Variants in SEPTIN9 observed in about 807,000 individuals in gnomAD.
SEPTIN9 encodes the protein septin 9.
In SEPTIN9, 13 loss-of-function variants were observed where a neutral mutation model predicts 56.6. The observed-to-expected ratio is 0.23, with a 90% CI of 0.15 to 0.37. SEPTIN9 has a LOEUF of 0.37. Among genes scored for constraint, SEPTIN9 ranks in the 10% least tolerant of loss-of-function variants. The probability of loss-of-function intolerance (pLI) is 1.00; values close to 1 mark genes in which losing one functional copy is unlikely to be tolerated. For missense variants in SEPTIN9, 650 were observed against 823.1 expected, an observed-to-expected ratio of 0.79 and a Z score of 2.57; for synonymous variants, 332 against 334.1, an observed-to-expected ratio of 0.99 and a Z score of 0.07.
intron 2 of SEPTIN9, among the ~76,000 whole-genome samples, chr17:77,380,556 G>A (rs2143963671): frequency 6.6e-6 from 1 of 152,156 alleles, no homozygotes; most frequent in East Asian, 1.9e-4. Flanking sequence ...CTCCCCACAT[G>A]GCATCGAATT....
intron 2 of SEPTIN9, among the ~76,000 whole-genome samples, chr17:77,381,393 C>T (rs1198665173): frequency 6.6e-6 from 1 of 152,018 alleles, no homozygotes; most frequent in Non-Finnish European, 1.5e-5. Flanking sequence ...CAGGCAGGAT[C>T]TCCTTCTGTC....
chr17:77,445,118 CT>C lies in SEPTIN9; in HGVS notation c.722-37025del. ...CTGGGGACGGCCTTCACTCGGGCTACTCAGGGTTTCCCCAGCCTGCCAACCC... is the reference window on the plus strand; with the variant it reads ...CTGGGGACGGCCTTCACTCGGGCTACCAGGGTTTCCCCAGCCTGCCAACCC... On this transcript the variant is annotated intron_variant, in intron 3 of 11. Coordinates refer to ENST00000427177, the MANE Select transcript of SEPTIN9 (RefSeq NM_001113491.2). The surrounding 1 kb of genome is among the most constrained non-coding windows in gnomAD (Gnocchi z 4.7). The C allele has an allele frequency of 2.1e-6, 1 of 465,470 alleles. No homozygotes were observed. Among genetic ancestry groups the C allele is most frequent in the Non-Finnish European group, 4.5e-6 (1 of 223,258 alleles). The allele number at this position is 465,470 out of a possible 1,614,324, so 28.8% of individuals were successfully genotyped here. A position where few individuals can be genotyped will look rare whatever the true frequency, so the allele number is the denominator to read the frequency against.
At position 77,398,519 on chromosome 17, in the gene SEPTIN9, A is replaced by G. The variant is rs1255011884; in HGVS notation, c.77-3540A>G. On this transcript the variant is annotated intron_variant, in intron 2 of 11. Coordinates refer to ENST00000427177, the MANE Select transcript of SEPTIN9 (RefSeq NM_001113491.2). Reference sequence around the variant, plus strand: ...CCCAAGAGGAGGAGGAGGCGGTGGCATGCTCGTTTGGGGGGATGGCGTGAG... The same window carrying G: ...CCCAAGAGGAGGAGGAGGCGGTGGCGTGCTCGTTTGGGGGGATGGCGTGAG... Among the ~76,000 whole-genome samples the G allele has an allele frequency of 2.6e-5, 4 of 151,952 alleles. No individual in the cohort carries two copies. The East Asian group carries it at 7.7e-4, about 29-fold the overall frequency.
At chr17:77,415,129 C>T (rs963295281) in intron 3 of SEPTIN9, among the ~76,000 whole-genome samples, 6 of 152,146 alleles carry the variant, frequency 3.9e-5, no homozygotes, top group African/African-American at 1.4e-4. Flanking sequence ...CTGGTCACCA[C>T]CCACTAGATC....
Position 77,402,845 on chromosome 17 carries a change from G to T in SEPTIN9, c.721+142G>T. The T allele has an allele frequency of 1.2e-6, 1 of 810,124 alleles. No individual in the cohort carries two copies. The highest frequency in any genetic ancestry group is 1.9e-6 in the Non-Finnish European group (1 of 532,940). 50.2% of individuals were successfully genotyped at this position (810,124 alleles called of 1,614,324 possible). On this transcript the variant is annotated intron_variant, in intron 3 of 11. Coordinates refer to ENST00000427177, the MANE Select transcript of SEPTIN9 (RefSeq NM_001113491.2). This position sits in a 1 kb window ranked among gnomAD's most constrained non-coding sequence, Gnocchi z 6.6. ...GACCCAGAAAGACCGGAATGCATGG[G>T]GGTGGGGGTCTGCAAGCTCAGGAGA...
At chr17:77,466,069 C>T (rs971720982) in intron 3 of SEPTIN9, among the ~76,000 whole-genome samples, 54 of 138,618 alleles carry the variant, frequency 3.9e-4, no homozygotes, top group African/African-American at 1.5e-3. Flanking sequence ...CACACACACA[C>T]ACACACACAC....
Position 77,468,781 on chromosome 17 carries a change from G to C in SEPTIN9, c.722-13363G>C, listed in dbSNP as rs139260968. Reference sequence around the variant, plus strand: ...TTTTACACACGCCCCCTGGTGCTTTGAGGAGGAGGGATTCGGACAGGGGCA... The same window carrying C: ...TTTTACACACGCCCCCTGGTGCTTTCAGGAGGAGGGATTCGGACAGGGGCA... On this transcript the variant is annotated intron_variant, in intron 3 of 11. Coordinates refer to ENST00000427177, the MANE Select transcript of SEPTIN9 (RefSeq NM_001113491.2). Among the ~76,000 whole-genome samples, 295 of 152,318 alleles carry C rather than the reference G, an allele frequency of 1.9e-3. 3 individuals are homozygous for C. Among genetic ancestry groups the C allele is most frequent in the African/African-American group, 6.7e-3 (277 of 41,574 alleles).
chr17:77,482,573 T>C (rs559530038), intron 4 of SEPTIN9: 86 of 690,058 alleles, frequency 1.2e-4, no homozygotes, highest in South Asian at 8.0e-4. Flanking sequence ...TGAGATGACT[T>C]TGGGGAGCCC....
At chr17:77,284,295 C>T (rs2031173005) in intron 1 of SEPTIN9, among the ~76,000 whole-genome samples, 1 of 152,188 alleles carries the variant, frequency 6.6e-6, no homozygotes, top group Non-Finnish European at 1.5e-5. Context: ...GTCATGAGAC[C>T]CCATCTGTAA....
At chr17:77,304,527 C>T (rs2032184865) in intron 1 of SEPTIN9, among the ~76,000 whole-genome samples, 1 of 152,066 alleles carries the variant, frequency 6.6e-6, no homozygotes, top group Non-Finnish European at 1.5e-5. Context: ...TTGCCTGGTG[C>T]TAGGGGGCAG....
chr17:77,473,153 C>T (rs763986512), intron 3 of SEPTIN9, among the ~76,000 whole-genome samples: 9 of 152,210 alleles, frequency 5.9e-5, no homozygotes, highest in Non-Finnish European at 8.8e-5. Flanking sequence ...TTCCTCCTGC[C>T]GGAGCTCAGG....
At chr17:77,300,508 A>G (rs1567981485) in intron 1 of SEPTIN9, among the ~76,000 whole-genome samples, 1 of 152,150 alleles carries the variant, frequency 6.6e-6, no homozygotes, top group Non-Finnish European at 1.5e-5. Flanking sequence ...GAGAAGAGGG[A>G]GGTGGCCATT....
chr17:77,440,153 T>G (rs1238292891), intron 3 of SEPTIN9, among the ~76,000 whole-genome samples: 1 of 152,146 alleles, frequency 6.6e-6, no homozygotes, highest in Non-Finnish European at 1.5e-5. Flanking sequence ...TATACCTTTT[T>G]TTTAAATTTA....
Position 77,488,305 on chromosome 17 carries a change from A to G in SEPTIN9, c.1108A>G (p.Ile370Val). The G allele has an allele frequency of 6.2e-7, 1 of 1,613,600 alleles. No homozygotes were observed. Among genetic ancestry groups the G allele is most frequent in the Non-Finnish European group, 8.5e-7 (1 of 1,179,766 alleles). Residue 370 changes from isoleucine (I) to valine (V), a missense_variant, in exon 6 of 12, where the codon ATC (isoleucine) becomes GTC (valine). By Grantham distance (29) the Ile-to-Val change is conservative. Transcript: ENST00000427177. ...TGACACACCAGGGTTCGGGGACCAC[A>G]TCAACAACGAGAACTGGTGAGGCCC... is the stretch of plus-strand genomic sequence containing the variant. ...VIDTPGFGDH[I>V]NNENCWQPIM...
intron 2 of SEPTIN9, among the ~76,000 whole-genome samples, chr17:77,312,503 A>AG (rs11444339): frequency 0.88 from 133,209 of 152,048 alleles, 58,425 homozygotes; most frequent in East Asian, 0.99. Flanking sequence ...TAGCTGACTC[A>AG]GTGACTTTGG....
At chr17:77,470,146 CTCAT>C in intron 3 of SEPTIN9, among the ~76,000 whole-genome samples, 2 of 151,480 alleles carry the variant, frequency 1.3e-5, no homozygotes, top group Non-Finnish European at 1.5e-5. Context: ...TACCCATCCA[CTCAT>C]TCACCCATTT....
Position 77,462,179 on chromosome 17 carries a change from T to G in SEPTIN9, c.722-19965T>G, listed in dbSNP as rs1282804594. Among the ~76,000 whole-genome samples, 6 of 152,308 alleles carry G rather than the reference T, an allele frequency of 3.9e-5. No individual in the cohort carries two copies. The East Asian group carries it at 1.2e-3, about 29-fold the overall frequency. On this transcript the variant is annotated intron_variant, in intron 3 of 11. Coordinates refer to ENST00000427177, the MANE Select transcript of SEPTIN9 (RefSeq NM_001113491.2). The stretch of plus-strand genomic sequence containing the variant: ...AACAAGCATAACAATTCAAGTAAGT[T>G]TTACTTGACACCGAGCCTTCATAAG...
chr17:77,347,142 C>A (rs1169015478), intron 2 of SEPTIN9, among the ~76,000 whole-genome samples: 1 of 152,088 alleles, frequency 6.6e-6, no homozygotes, highest in African/African-American at 2.4e-5. Context: ...CTTCAGGAGG[C>A]CAAGGCGGGT....
At chr17:77,349,674 G>T (rs2033997234) in intron 2 of SEPTIN9, among the ~76,000 whole-genome samples, 1 of 152,192 alleles carries the variant, frequency 6.6e-6, no homozygotes, top group South Asian at 2.1e-4. Flanking sequence ...AACTTATCTA[G>T]TTTTATTCCC....
Sources: gnomAD v4.1 joint callset for allele counts (sites outside exome capture counted in the v4.1 genomes callset) on GRCh38, gnomAD v4.1.1 for gene constraint, Gnocchi (gnomAD v3.1) non-coding constraint, MANE v1.5 for transcripts, NCBI Gene and HGNC (gene_info 2026-07-23, HGNC 2026-07-21) for gene names.